CFAP70: variants seen among roughly 807,000 people sequenced by gnomAD.
The protein encoded by CFAP70 is cilia and flagella associated protein 70, also known as cilia- and flagella-associated protein 70.
In CFAP70, 81 loss-of-function variants were observed where a neutral mutation model predicts 137.6. The ratio of observed to expected loss-of-function variants is 0.59; its 90% confidence interval spans 0.49 to 0.71. The LOEUF (loss-of-function observed/expected upper bound fraction) is 0.71, where lower values mean the gene tolerates loss of function less well. Among genes scored for constraint, CFAP70 ranks in the 30% least tolerant of loss-of-function variants. CFAP70 has a pLI of 0.00. For missense variants in CFAP70, 976 were observed against 1,226.7 expected, an observed-to-expected ratio of 0.80 and a Z score of 3.05; for synonymous variants, 382 against 423.6, an observed-to-expected ratio of 0.90 and a Z score of 1.20.
At chr10:73,293,237 C>T in intron 16 of CFAP70, 26 bp downstream of exon 17, 1 of 1,582,380 alleles carries the variant, frequency 6.3e-7, no homozygotes, top group Non-Finnish European at 8.6e-7. Flanking sequence ...ATAATAGTAA[C>T]AATCACTGGG....
chr10:73,272,838 T>C lies in CFAP70; in HGVS notation c.2925+90A>G, dbSNP rs1463248480. 15 of 1,138,252 alleles carry C rather than the reference T, an allele frequency of 1.3e-5. No individual in the cohort carries two copies. The East Asian group carries it at 3.8e-4, about 29-fold the overall frequency. The allele number at this position is 1,138,252 out of a possible 1,614,324, so 70.5% of individuals were successfully genotyped here. On this transcript the variant is annotated intron_variant, in intron 24 of 26. Transcript: ENST00000310715. Reference sequence around the variant, plus strand: ...CAGACAGCCCTGATTGCTATTCCAATGTCATCACAAACCCCCAGGATGCTT... The same window carrying C: ...CAGACAGCCCTGATTGCTATTCCAACGTCATCACAAACCCCCAGGATGCTT...
intron 8 of CFAP70, among the ~76,000 whole-genome samples, chr10:73,326,584 T>A (rs1418458319): frequency 1.3e-5 from 2 of 149,510 alleles, no homozygotes; most frequent in African/African-American, 4.9e-5. Flanking sequence ...ATTGATAGAC[T>A]GCTAGCAAGA....
intron 1 of CFAP70, among the ~76,000 whole-genome samples, chr10:73,357,716 A>G (rs2054780478): frequency 6.6e-6 from 1 of 152,162 alleles, no homozygotes; most frequent in Non-Finnish European, 1.5e-5. Context: ...TATTTTTCAA[A>G]GATTACCTGC....
chr10:73,299,056 T>C (rs2048740187), exon 14 of CFAP70: 1 of 1,613,898 alleles, frequency 6.2e-7, no homozygotes, highest in Non-Finnish European at 8.5e-7. Context: ...TCATCTAGAA[T>C]GGCTCTAGAA....
chr10:73,330,152 C>T (rs1384416241), intron 8 of CFAP70, among the ~76,000 whole-genome samples: 1 of 151,978 alleles, frequency 6.6e-6, no homozygotes, highest in African/African-American at 2.4e-5. Context: ...GGCAACTAGA[C>T]TTAAAAGTCC....
chr10:73,326,897 C>T (rs1234825606), intron 8 of CFAP70, among the ~76,000 whole-genome samples: 1 of 151,818 alleles, frequency 6.6e-6, no homozygotes, highest in South Asian at 2.1e-4. Flanking sequence ...CAGCCAAATT[C>T]TACCAGAGGT....
Position 73,275,361 on chromosome 10 carries a change from C to T in CFAP70, c.2673+85G>A, listed in dbSNP as rs2046638673. 4 of 1,436,958 alleles carry T rather than the reference C, an allele frequency of 2.8e-6. No homozygotes were observed. Among genetic ancestry groups the T allele is most frequent in the South Asian group, 1.5e-5 (1 of 68,830 alleles). The allele number at this position is 1,436,958 out of a possible 1,614,324, so 89.0% of individuals were successfully genotyped here. A position where few individuals can be genotyped will look rare whatever the true frequency, so the allele number is the denominator to read the frequency against. Reference sequence around the variant, plus strand: ...CAGCTGATGACCACCCTTCTGTTCACCAGAAATCTACGTGTGATATGGCAT... The same window carrying T: ...CAGCTGATGACCACCCTTCTGTTCATCAGAAATCTACGTGTGATATGGCAT... On this transcript the variant is annotated intron_variant, in intron 22 of 26. Transcript: ENST00000310715. The surrounding 1 kb of genome is among the most constrained non-coding windows in gnomAD (Gnocchi z 4.0).
intron 5 of CFAP70, among the ~76,000 whole-genome samples, chr10:73,344,539 T>C (rs1457788353): frequency 6.6e-6 from 1 of 152,158 alleles, no homozygotes; most frequent in Non-Finnish European, 1.5e-5. Flanking sequence ...AACTGAACAG[T>C]TGCTACACAA....
chr10:73,323,334 G>T (rs1047042063), intron 8 of CFAP70, among the ~76,000 whole-genome samples: 16 of 132,098 alleles, frequency 1.2e-4, no homozygotes, highest in African/African-American at 2.2e-4. Context: ...GCGGGGGCGG[G>T]GGGGGGGCAG....
chr10:73,353,596 T>TC lies in CFAP70; in HGVS notation c.209dup (p.Gly71ArgfsTer6). On this transcript the variant is annotated frameshift_variant, in exon 3 of 27. Transcript: ENST00000310715. LOFTEE classifies it high-confidence loss of function. ...GAGCGAGGTCATCTGAAGTGATTCCTCCTTCAGGATTAAACTCAAAACTGC... is the reference window on the plus strand; with the variant it reads ...GAGCGAGGTCATCTGAAGTGATTCCTCCCTTCAGGATTAAACTCAAAACTGC... 6.2e-7 allele frequency: 1 copy of TC among 1,614,194 alleles called. No individual in the cohort carries two copies. Among genetic ancestry groups the TC allele is most frequent in the Non-Finnish European group, 8.5e-7 (1 of 1,180,014 alleles).
rs750596051 is a variant in CFAP70 at position 73,341,474 on chromosome 10, T to C, written c.507A>G (p.Gly169=). The C allele has an allele frequency of 3.7e-6, 6 of 1,614,092 alleles. No individual in the cohort carries two copies. In the African/African-American group the frequency reaches 8.0e-5, roughly 22 times the overall value. Residue 169 remains glycine (G), a synonymous_variant, in exon 6 of 27, where the codon GGA becomes GGG. Coordinates refer to ENST00000310715, the Ensembl canonical transcript of CFAP70. ...TGAATGCATCAGGAATGTTATTAGCTCCTGGAGCCAGAATGTTGGCAATTG... is the reference window on the plus strand; with the variant it reads ...TGAATGCATCAGGAATGTTATTAGCCCCTGGAGCCAGAATGTTGGCAATTG...
intron 6 of CFAP70, among the ~76,000 whole-genome samples, chr10:73,338,287 A>G (rs2132379048): frequency 6.6e-6 from 1 of 150,842 alleles, no homozygotes; most frequent in Non-Finnish European, 1.5e-5. Flanking sequence ...AGGAGCTGGG[A>G]TTCAGGCGCA....
chr10:73,353,097 A>G (rs1451514055), intron 3 of CFAP70, among the ~76,000 whole-genome samples: 5 of 152,184 alleles, frequency 3.3e-5, no homozygotes, highest in Non-Finnish European at 7.3e-5. Flanking sequence ...AAATATATAT[A>G]TTCTTTAATG....
rs764303510 is a variant in CFAP70 at position 73,274,550 on chromosome 10, A to T, written c.2718T>A (p.Ser906Arg). Residue 906 changes from serine to arginine, a missense_variant, in exon 23 of 27, where the codon AGT becomes AGA. By Grantham distance (110) the Ser-to-Arg change is moderately radical. Transcript: ENST00000310715. ...ATGCCTTGGCCTCAGAATGATTTCC[A>T]CTCAGAAAATAGAGATGGCCCTTCA... The T allele has an allele frequency of 2.5e-6, 4 of 1,614,102 alleles. No individual in the cohort carries two copies. The South Asian group carries it at 3.3e-5, about 13-fold the overall frequency.
rs1564878746 is a variant in CFAP70 at position 73,345,050 on chromosome 10, G to A, written c.399+15C>T. 6.2e-7 allele frequency: 1 copy of A among 1,611,198 alleles called. No homozygotes were observed. The highest frequency in any genetic ancestry group is 2.2e-5 in the East Asian group (1 of 44,854). ...ATGTTTGAATCTCTATAAATATCTGGCAGTAGGGCTTTACCTCTCCAAGTG... is the reference window on the plus strand; with the variant it reads ...ATGTTTGAATCTCTATAAATATCTGACAGTAGGGCTTTACCTCTCCAAGTG... On this transcript the variant is annotated intron_variant, in intron 5 of 26. Coordinates refer to ENST00000310715, the Ensembl canonical transcript of CFAP70.
intron 8 of CFAP70, among the ~76,000 whole-genome samples, chr10:73,329,478 C>A (rs1427968820): frequency 6.6e-6 from 1 of 151,862 alleles, no homozygotes; most frequent in East Asian, 1.9e-4. Flanking sequence ...TACCCTAAAA[C>A]TTAAAGTATA....
intron 25 of CFAP70, among the ~76,000 whole-genome samples, chr10:73,259,376 A>T (rs1029473393): frequency 6.6e-6 from 1 of 152,070 alleles, no homozygotes; most frequent in Non-Finnish European, 1.5e-5. Context: ...AGTGACACAG[A>T]GCTTCTTCTC....
rs1398489623 is a variant in CFAP70, at chr10:73,273,651, ACTT to A, written c.2836-637_2836-635del. On this transcript the variant is annotated intron_variant, in intron 23 of 26. Transcript: ENST00000310715. ...AGCTTTCAATGACATCAGAAAGAAAACTTCTCCTTATATACTTCACTACAGTGG... is the reference window on the plus strand; with the variant it reads ...AGCTTTCAATGACATCAGAAAGAAAACTCCTTATATACTTCACTACAGTGG... Among the ~76,000 whole-genome samples the A allele has an allele frequency of 7.9e-5, 12 of 152,292 alleles. No individual in the cohort carries two copies. In the East Asian group the frequency reaches 2.3e-3, roughly 29 times the overall value.
chr10:73,348,302 T>C (rs775101830), intron 4 of CFAP70, 67 bp from the exon 5 acceptor site: 5 of 1,562,958 alleles, frequency 3.2e-6, no homozygotes, highest in South Asian at 1.1e-5. Context: ...CAGGCAGAGA[T>C]AAATGTGCCT....
Sources: allele counts gnomAD v4.1 joint callset (sites outside exome capture counted in the v4.1 genomes callset), GRCh38; gene constraint gnomAD v4.1.1; non-coding constraint Gnocchi (gnomAD v3.1); transcripts MANE v1.5; gene names NCBI Gene and HGNC (gene_info 2026-07-23, HGNC 2026-07-21).